IQCM: variants seen among roughly 807,000 people sequenced by gnomAD.
The protein encoded by IQCM is IQ domain-containing protein M.
Under a neutral mutation model 57.6 loss-of-function variants are expected in IQCM, and 45 were observed. The observed-to-expected ratio is 0.78, with a 90% CI of 0.62 to 1.00. IQCM has a LOEUF of 1.00. IQCM is among the 50% of genes least tolerant of loss of function. IQCM has a pLI of 0.00. For missense variants in IQCM, 468 were observed against 511.6 expected (o/e 0.91, Z 0.82); for synonymous variants, 148 against 158.9 (o/e 0.93, Z 0.51).
intron 2 of IQCM, among the ~76,000 whole-genome samples, chr4:149,806,502 T>C (rs1774089175): frequency 6.6e-6 from 1 of 152,070 alleles, no homozygotes; most frequent in Non-Finnish European, 1.5e-5. Flanking sequence ...TTTCCAGTCT[T>C]TGGTAACCAG....
intron 5 of IQCM, among the ~76,000 whole-genome samples, chr4:149,701,026 C>T (rs1343263939): frequency 6.6e-6 from 1 of 151,956 alleles, no homozygotes; most frequent in East Asian, 1.9e-4. Context: ...GAGACTTAGT[C>T]ATAACCCCAA....
At chr4:149,662,690 T>G (rs1760331188) in intron 7 of IQCM, among the ~76,000 whole-genome samples, 1 of 151,996 alleles carries the variant, frequency 6.6e-6, no homozygotes, top group Admixed American at 6.6e-5. Context: ...ATTTTTTAAT[T>G]AAAGCCTATT....
rs149289377 is a variant in IQCM at position 149,691,859 on chromosome 4, C to T, written c.386-5391G>A. 8 of 152,256 alleles carry T rather than the reference C, an allele frequency of 5.3e-5. No individual in the cohort carries two copies. In the East Asian group the frequency reaches 1.5e-3, roughly 29 times the overall value. 9.4% of individuals were successfully genotyped at this position (152,256 alleles called of 1,614,324 possible). On this transcript the variant is annotated intron_variant, in intron 5 of 13. Coordinates refer to ENST00000636793, the MANE Select transcript of IQCM (RefSeq NM_001363507.2). ...AAGGATAATATTATTTTGAAAGCAACATTATGAAACTAAATTTTCACTAAT... is the reference window on the plus strand; with the variant it reads ...AAGGATAATATTATTTTGAAAGCAATATTATGAAACTAAATTTTCACTAAT...
intron 9 of IQCM, 64 bp from the exon 10 acceptor site, chr4:149,563,954 T>A: frequency 1.3e-6 from 1 of 773,844 alleles, no homozygotes; most frequent in Non-Finnish European, 1.8e-6. Context: ...CAAACAGTTT[T>A]AAATTATTTC....
intron 7 of IQCM, among the ~76,000 whole-genome samples, chr4:149,658,965 T>A (rs1161777459): frequency 2.6e-5 from 4 of 152,216 alleles, no homozygotes; most frequent in Middle Eastern, 3.4e-3. Context: ...ATGCATCTTG[T>A]TTCTTTCTCT....
chr4:149,691,605 A>G (rs1762941577), intron 5 of IQCM: 1 of 152,186 alleles, frequency 6.6e-6, no homozygotes, highest in South Asian at 2.1e-4. Context: ...AATGAAAGAA[A>G]GACAATCACA....
At chr4:149,646,291 C>T (rs1377048600) in intron 7 of IQCM, among the ~76,000 whole-genome samples, 2 of 151,970 alleles carry the variant, frequency 1.3e-5, no homozygotes, top group Non-Finnish European at 2.9e-5. Flanking sequence ...TTTTCTATTT[C>T]TGAAATATAA....
chr4:149,660,054 A>G (rs1760028285), intron 7 of IQCM, among the ~76,000 whole-genome samples: 1 of 151,332 alleles, frequency 6.6e-6, no homozygotes, highest in Non-Finnish European at 1.5e-5. Context: ...AACCCACAAA[A>G]TGGGAGAAAA....
intron 10 of IQCM, 51 bp downstream of exon 10, chr4:149,563,641 G>C: frequency 2.6e-6 from 3 of 1,135,764 alleles, no homozygotes; most frequent in African/African-American, 3.2e-5. Context: ...CTACTGAATT[G>C]AATCTAATGA....
chr4:149,512,448 A>G (rs932840578), intron 12 of IQCM, among the ~76,000 whole-genome samples: 16 of 152,176 alleles, frequency 1.1e-4, no homozygotes, highest in African/African-American at 3.1e-4. Context: ...TTTATTACAG[A>G]TACTTATTTA....
At chr4:149,438,571 C>T (rs1356647905) in intron 12 of IQCM, among the ~76,000 whole-genome samples, 1 of 152,000 alleles carries the variant, frequency 6.6e-6, no homozygotes, top group African/African-American at 2.4e-5. Flanking sequence ...TAAGTGATGT[C>T]ATACTTTTTT....
At chr4:149,389,602 G>C (rs1282515078) in intron 13 of IQCM, among the ~76,000 whole-genome samples, 1 of 150,654 alleles carries the variant, frequency 6.6e-6, no homozygotes, top group South Asian at 2.1e-4. Flanking sequence ...GTAAACTATC[G>C]CAAGAACAAA....
chr4:149,810,611 G>A (rs1001040848), intron 2 of IQCM, among the ~76,000 whole-genome samples: 2 of 151,676 alleles, frequency 1.3e-5, no homozygotes, highest in African/African-American at 2.4e-5. Context: ...CACCACGCCC[G>A]GCTAAGTTTT....
At chr4:149,766,155 C>A (rs1770029869) in intron 2 of IQCM, among the ~76,000 whole-genome samples, 1 of 152,048 alleles carries the variant, frequency 6.6e-6, no homozygotes, top group African/African-American at 2.4e-5. Context: ...AAGAAGAACC[C>A]ACTGGGCTGT....
At chr4:149,733,159 A>C (rs544082981) in intron 5 of IQCM, 85 bp downstream of exon 5, 7 of 1,142,990 alleles carry the variant, frequency 6.1e-6, no homozygotes, top group African/African-American at 4.8e-5. Context: ...ATTATTTGAA[A>C]AAGAAAATTC....
chr4:149,687,623 C>A (rs1762640561), intron 5 of IQCM, among the ~76,000 whole-genome samples: 1 of 151,386 alleles, frequency 6.6e-6, no homozygotes, highest in Admixed American at 6.6e-5. Context: ...ACCCTACTAA[C>A]AAAACCAGGA....
Position 149,433,397 on chromosome 4 carries a change from T to A in IQCM, c.1389A>T (p.Ile463=). 8.3e-7 allele frequency: 1 copy of A among 1,207,150 alleles called. No individual in the cohort carries two copies. The highest frequency in any genetic ancestry group is 4.2e-5 in the South Asian group (1 of 23,800). The allele number at this position is 1,207,150 out of a possible 1,614,324, so 74.8% of individuals were successfully genotyped here. Reference sequence around the variant, plus strand: ...AAAAAATAAGGTTCAATATCTTACCTATATATCTATAACCTTCTTCCCCAT... The same window carrying A: ...AAAAAATAAGGTTCAATATCTTACCAATATATCTATAACCTTCTTCCCCAT... ...IVNGEEGYRY[I]VNGHPALKRA... The change falls in exon 13 of 14, where the codon ATA becomes ATT. Residue 463 remains isoleucine, a splice_region_variant and synonymous_variant. Coordinates refer to ENST00000636793, the MANE Select transcript of IQCM (RefSeq NM_001363507.2).
intron 12 of IQCM, among the ~76,000 whole-genome samples, chr4:149,524,401 C>T (rs1745957739): frequency 6.6e-6 from 1 of 152,016 alleles, no homozygotes; most frequent in African/African-American, 2.4e-5. Flanking sequence ...AGATTTAAGA[C>T]TTAAGAGCTG....
At chr4:149,442,419 A>G (rs991860961) in intron 12 of IQCM, among the ~76,000 whole-genome samples, 2 of 152,034 alleles carry the variant, frequency 1.3e-5, no homozygotes, top group Non-Finnish European at 2.9e-5. Context: ...AACAAAAAAA[A>G]CCCAAAAAAC....
Sources: allele counts gnomAD v4.1 joint callset (sites outside exome capture counted in the v4.1 genomes callset), GRCh38; gene constraint gnomAD v4.1.1; transcripts MANE v1.5; gene names NCBI Gene and HGNC (gene_info 2026-07-23, HGNC 2026-07-21).